The following SSBP3 variants were observed in gnomAD, a reference collection of about 807,000 sequenced individuals.
SSBP3 encodes the protein single-stranded DNA-binding protein 3.
In SSBP3, 5 loss-of-function variants were observed where a neutral mutation model predicts 69.6. The ratio of observed to expected loss-of-function variants is 0.07; its 90% CI spans 0.04 to 0.15. The LOEUF is 0.15. SSBP3 is among the 10% of genes least tolerant of loss of function. SSBP3 has a pLI of 1.00. For missense variants in SSBP3, 312 were observed against 534.0 expected, an observed-to-expected ratio of 0.58 and a Z score of 4.10; for synonymous variants, 196 against 193.4, an observed-to-expected ratio of 1.01 and a Z score of -0.11.
In SSBP3 at chr1:54,401,825, T is replaced by C. The variant is rs373707006; in HGVS notation, c.276+36A>G. 2.1e-5 allele frequency: 33 copies of C among 1,572,594 alleles called. No individual in the cohort carries two copies. The African/African-American group carries it at 3.4e-4, about 16-fold the overall frequency. ...TAGAGAAGTTAGAGCTATCCAACCCTATAATTATTGCTAGGATTAAAAATA... is the reference window on the plus strand; with the variant it reads ...TAGAGAAGTTAGAGCTATCCAACCCCATAATTATTGCTAGGATTAAAAATA... On this transcript the variant is annotated intron_variant, in intron 4 of 17. Coordinates refer to ENST00000610401, the Ensembl canonical transcript of SSBP3.
intron 4 of SSBP3, among the ~76,000 whole-genome samples, chr1:54,374,632 C>G (rs1381547776): frequency 6.6e-6 from 1 of 152,140 alleles, no homozygotes. Context: ...GAAGCCTGTT[C>G]AGGTGGAACA....
intron 4 of SSBP3, among the ~76,000 whole-genome samples, chr1:54,296,882 T>C (rs951332615): frequency 1.3e-5 from 2 of 152,216 alleles, no homozygotes; most frequent in African/African-American, 4.8e-5. Flanking sequence ...CAAAGCCTCC[T>C]GGCTCTCTGT....
chr1:54,362,352 A>G (rs1297956076), intron 4 of SSBP3, among the ~76,000 whole-genome samples: 2 of 152,200 alleles, frequency 1.3e-5, no homozygotes, highest in African/African-American at 2.4e-5. Context: ...TTTGAGACAG[A>G]GCAGTCCCCA....
intron 14 of SSBP3, among the ~76,000 whole-genome samples, chr1:54,233,277 A>G (rs190011734): frequency 2.2e-5 from 3 of 136,738 alleles, no homozygotes; most frequent in Admixed American, 1.5e-4. Context: ...CCGCGACCCC[A>G]TCTGGGATGT....
chr1:54,348,943 T>C (rs527374876), intron 4 of SSBP3, among the ~76,000 whole-genome samples: 1 of 152,310 alleles, frequency 6.6e-6, no homozygotes, highest in African/African-American at 2.4e-5. Context: ...TAGTGTCTTG[T>C]TGAGAGCCAG....
intron 9 of SSBP3, among the ~76,000 whole-genome samples, chr1:54,246,205 G>C (rs1440145999): frequency 6.6e-6 from 1 of 152,190 alleles, no homozygotes; most frequent in African/African-American, 2.4e-5. Context: ...GATTTGGGAC[G>C]TCAGCAGCAG....
intron 9 of SSBP3, among the ~76,000 whole-genome samples, chr1:54,244,189 C>T (rs1292874423): frequency 6.6e-6 from 1 of 152,106 alleles, no homozygotes; most frequent in Non-Finnish European, 1.5e-5. Flanking sequence ...CTGCAACCTC[C>T]ACCTCCCAGG....
intron 4 of SSBP3, among the ~76,000 whole-genome samples, chr1:54,296,439 CCT>C (rs1325596793): frequency 6.6e-6 from 1 of 152,222 alleles, no homozygotes; most frequent in Non-Finnish European, 1.5e-5. Flanking sequence ...TTGCCATGGT[CCT>C]CTCTGGCCAA....
At chr1:54,235,413 C>A (rs1013692926) in intron 14 of SSBP3, among the ~76,000 whole-genome samples, 12 of 146,624 alleles carry the variant, frequency 8.2e-5, no homozygotes, top group Non-Finnish European at 1.2e-4. Context: ...TCCTGAGTAG[C>A]TGGGACTATA....
chr1:54,243,445 G>GT (rs1644677752), intron 9 of SSBP3, 146 bp from the exon 10 acceptor site: 9 of 960,014 alleles, frequency 9.4e-6, no homozygotes, highest in Admixed American at 1.9e-5. Context: ...TTCAAAAACG[G>GT]TGGGGCGGGT....
intron 4 of SSBP3, among the ~76,000 whole-genome samples, chr1:54,316,658 AATAAAATAAATAAAT>A (rs1458748933): frequency 0.11 from 5,379 of 50,032 alleles, 567 homozygotes; most frequent in Admixed American, 0.15. Flanking sequence ...AAAAAAAAAA[AATAAAATAAATAAAT>A]AAATAAATAA....
Position 54,302,615 on chromosome 1 carries a change from A to G in SSBP3, c.277-21088T>C, listed in dbSNP as rs12091280. On this transcript the variant is annotated intron_variant, in intron 4 of 17. Coordinates refer to ENST00000610401, the Ensembl canonical transcript of SSBP3. ...TAAGCACCCTAAGGGCAGAAATACCACCTGTCTTATCCATCATTGCCTCCC... is the reference window on the plus strand; with the variant it reads ...TAAGCACCCTAAGGGCAGAAATACCGCCTGTCTTATCCATCATTGCCTCCC... 2.4e-3 allele frequency among the ~76,000 whole-genome samples: 359 copies of G among 152,236 alleles called. 2 individuals are homozygous for G. Among genetic ancestry groups the G allele is most frequent in the African/African-American group, 8.1e-3 (338 of 41,538 alleles).
intron 9 of SSBP3, among the ~76,000 whole-genome samples, chr1:54,246,801 C>T (rs1432958538): frequency 6.6e-6 from 1 of 152,210 alleles, no homozygotes. Context: ...ATGTCAGGAG[C>T]GAGTAGCAGG....
intron 2 of SSBP3, 39 bp downstream of exon 2, chr1:54,404,819 G>GGGGT (rs1557598545): frequency 1.1e-5 from 12 of 1,079,954 alleles, no homozygotes; most frequent in African/African-American, 1.7e-5. Flanking sequence ...GGGGGGGGGG[G>GGGGT]GTGTCAAGAA....
chr1:54,319,458 G>T (rs2100360735), intron 4 of SSBP3, among the ~76,000 whole-genome samples: 1 of 152,256 alleles, frequency 6.6e-6, no homozygotes, highest in Middle Eastern at 3.4e-3. Flanking sequence ...CCTGTGCTGG[G>T]GGAAGGACGG....
intron 5 of SSBP3, among the ~76,000 whole-genome samples, chr1:54,271,042 C>T (rs1645183294): frequency 6.6e-6 from 1 of 152,180 alleles, no homozygotes; most frequent in Non-Finnish European, 1.5e-5. Flanking sequence ...AGCTGCTGGT[C>T]AACACGGATC....
intron 17 of SSBP3, 25 bp downstream of exon 17, chr1:54,228,230 G>C (rs763247696): frequency 2.5e-6 from 4 of 1,606,326 alleles, no homozygotes; most frequent in Non-Finnish European, 3.4e-6. Context: ...GGGGACGAGA[G>C]CAACAGGCAG....
chr1:54,401,956 G>C lies in SSBP3; in HGVS notation c.192-11C>G, dbSNP rs374898631. Reference sequence around the variant, plus strand: ...AGGTCCCAAAATACACTGCGAGGAGGAAAATAAAATAAGGTCAGGTTACTA... The same window carrying C: ...AGGTCCCAAAATACACTGCGAGGAGCAAAATAAAATAAGGTCAGGTTACTA... On this transcript the variant is annotated splice_polypyrimidine_tract_variant and intron_variant, in intron 3 of 17. Coordinates refer to ENST00000610401, the Ensembl canonical transcript of SSBP3. 6.2e-7 allele frequency: 1 copy of C among 1,611,386 alleles called. No homozygotes were observed. The highest frequency in any genetic ancestry group is 8.5e-7 in the Non-Finnish European group (1 of 1,177,968).
intron 5 of SSBP3, among the ~76,000 whole-genome samples, chr1:54,273,683 A>AC (rs1390558942): frequency 2.0e-5 from 3 of 152,126 alleles, no homozygotes; most frequent in South Asian, 4.2e-4. Context: ...AGTGGCCAGC[A>AC]CCCCCCACTG....
Sources: allele counts gnomAD v4.1 joint callset (sites outside exome capture counted in the v4.1 genomes callset), GRCh38; gene constraint gnomAD v4.1.1; transcripts MANE v1.5; gene names NCBI Gene and HGNC (gene_info 2026-07-23, HGNC 2026-07-21).